BCHE: variants seen among roughly 807,000 people sequenced by gnomAD.
BCHE encodes butyrylcholinesterase.
BCHE carries 48 observed loss-of-function variants against 51.3 expected under a neutral mutation model. The observed-to-expected ratio is 0.94, with a 90% CI of 0.74 to 1.19. The LOEUF (loss-of-function observed/expected upper bound fraction) is 1.19. Among genes scored for constraint, BCHE ranks in the 50% most tolerant of loss-of-function variants. The pLI, the probability that BCHE is intolerant of heterozygous loss-of-function variation, is 0.00. For synonymous variants in BCHE, 251 were observed against 238.0 expected (o/e 1.05, Z -0.50); for missense variants, 847 against 708.2 (o/e 1.20, Z -2.23).
At chr3:165,805,583 G>A (rs1310263858) in intron 2 of BCHE, among the ~76,000 whole-genome samples, 1 of 152,152 alleles carries the variant, frequency 6.6e-6, no homozygotes, top group Non-Finnish European at 1.5e-5. Flanking sequence ...CAGATGGAAA[G>A]ACATGTCTCT....
chr3:165,831,614 T>C (rs1714991799), intron 1 of BCHE, among the ~76,000 whole-genome samples: 2 of 152,290 alleles, frequency 1.3e-5, no homozygotes, highest in South Asian at 4.1e-4. Flanking sequence ...AATCCTATTA[T>C]ACAAACTGAA....
chr3:165,789,973 G>C (rs923631747), intron 2 of BCHE, among the ~76,000 whole-genome samples: 2 of 152,156 alleles, frequency 1.3e-5, no homozygotes, highest in Non-Finnish European at 2.9e-5. Context: ...ATAAAGAAAT[G>C]ATGTAATATG....
chr3:165,802,518 C>T (rs1713694164), intron 2 of BCHE, among the ~76,000 whole-genome samples: 1 of 151,890 alleles, frequency 6.6e-6, no homozygotes, highest in Non-Finnish European at 1.5e-5. Flanking sequence ...TCAGATTAGG[C>T]TTGTAGTTCT....
chr3:165,780,875 C>T (rs574469530), intron 3 of BCHE, among the ~76,000 whole-genome samples: 1 of 152,224 alleles, frequency 6.6e-6, no homozygotes, highest in Admixed American at 6.5e-5. Context: ...GATCTGGAAC[C>T]AGAAATATCA....
chr3:165,796,583 G>A (rs1036466742), intron 2 of BCHE, among the ~76,000 whole-genome samples: 2 of 152,064 alleles, frequency 1.3e-5, no homozygotes, highest in East Asian at 1.9e-4. Context: ...AAATCTTCAC[G>A]TATTTTCACC....
intron 3 of BCHE, chr3:165,777,803 A>G (rs1348622707): frequency 1.3e-5 from 6 of 452,628 alleles, no homozygotes; most frequent in South Asian, 6.2e-5. Context: ...AGCCTACTCA[A>G]TGTGAAGATG....
intron 2 of BCHE, among the ~76,000 whole-genome samples, chr3:165,818,963 A>C (rs763221359): frequency 5.9e-5 from 9 of 152,008 alleles, no homozygotes; most frequent in Non-Finnish European, 1.3e-4. Context: ...TGCTCTTTTG[A>C]TGCATCATGC....
intron 2 of BCHE, among the ~76,000 whole-genome samples, chr3:165,798,276 T>C (rs897323191): frequency 1.3e-5 from 2 of 152,138 alleles, no homozygotes; most frequent in Admixed American, 1.3e-4. Flanking sequence ...TGTGTCTGTG[T>C]GTGTGTGTGT....
At chr3:165,822,091 A>G (rs1714548081) in intron 2 of BCHE, among the ~76,000 whole-genome samples, 1 of 151,990 alleles carries the variant, frequency 6.6e-6, no homozygotes, top group Non-Finnish European at 1.5e-5. Context: ...TTGTGATTTT[A>G]TGATATCAAA....
intron 2 of BCHE, among the ~76,000 whole-genome samples, chr3:165,813,315 A>T (rs1714178759): frequency 6.6e-6 from 1 of 151,606 alleles, no homozygotes; most frequent in Non-Finnish European, 1.5e-5. Context: ...ATTTTATAAT[A>T]ATCATATATT....
intron 2 of BCHE, among the ~76,000 whole-genome samples, chr3:165,814,108 G>A (rs966318926): frequency 3.9e-5 from 6 of 151,904 alleles, no homozygotes; most frequent in Admixed American, 1.3e-4. Flanking sequence ...TGTATACTAA[G>A]TATATAAGAT....
chr3:165,807,848 G>A (rs1388202149), intron 2 of BCHE, among the ~76,000 whole-genome samples: 1 of 152,028 alleles, frequency 6.6e-6, no homozygotes, highest in Non-Finnish European at 1.5e-5. Flanking sequence ...ACAGGCATGA[G>A]CCACTACACC....
At position 165,829,615 on chromosome 3, in the gene BCHE, G is replaced by A; in HGVS notation, c.1419C>T (p.Val473=). The A allele has an allele frequency of 6.2e-7, 1 of 1,613,758 alleles. No homozygotes were observed. The highest frequency in any genetic ancestry group is 8.5e-7 in the Non-Finnish European group (1 of 1,179,822). ...CTCTTCTTTCCAGAGGTAAACCAAA[G>A]ACAAATTCAATTTCATAGCCATGCA... ...GVMHGYEIEF[V]FGLPLERRDN... is the part of the protein sequence containing the mutation. The change falls in exon 2 of 4, where the codon GTC becomes GTT. Residue 473 remains valine (V), a synonymous_variant. Coordinates refer to ENST00000264381, the MANE Select transcript of BCHE (RefSeq NM_000055.4).
chr3:165,789,881 G>A (rs1386154733), intron 2 of BCHE, among the ~76,000 whole-genome samples: 1 of 151,974 alleles, frequency 6.6e-6, no homozygotes, highest in Non-Finnish European at 1.5e-5. Flanking sequence ...TTATTTGAGT[G>A]GTAAGAGATT....
chr3:165,822,648 T>C lies in BCHE; in HGVS notation c.1517+6869A>G, dbSNP rs180939743. Among the ~76,000 whole-genome samples, 335 of 152,104 alleles carry C rather than the reference T, an allele frequency of 2.2e-3. 3 individuals are homozygous for C. The highest frequency in any genetic ancestry group is 0.02 in the Middle Eastern group (6 of 294). The stretch of plus-strand genomic sequence containing the variant: ...GCACTGTGAATGGTTCTCTCTGAGA[T>C]TTTACACTGAAGAAGCTCTGAATGA... On this transcript the variant is annotated intron_variant, in intron 2 of 3. Transcript: ENST00000264381.
intron 2 of BCHE, among the ~76,000 whole-genome samples, chr3:165,802,626 T>C (rs1713701823): frequency 6.7e-6 from 1 of 150,078 alleles, no homozygotes; most frequent in East Asian, 1.9e-4. Flanking sequence ...ATAGGAAAAT[T>C]TGTTTTTTTT....
intron 2 of BCHE, among the ~76,000 whole-genome samples, chr3:165,818,793 A>C (rs1714402288): frequency 6.6e-6 from 1 of 152,166 alleles, no homozygotes; most frequent in Admixed American, 6.6e-5. Flanking sequence ...ATTTGCATCT[A>C]CAATAAAATA....
chr3:165,782,925 G>T (rs899576331), intron 3 of BCHE, among the ~76,000 whole-genome samples: 1 of 151,686 alleles, frequency 6.6e-6, no homozygotes, highest in Non-Finnish European at 1.5e-5. Context: ...ATCACCTCCC[G>T]CAACGATTCA....
chr3:165,791,620 T>C (rs187675258), intron 2 of BCHE, among the ~76,000 whole-genome samples: 4 of 152,212 alleles, frequency 2.6e-5, no homozygotes, highest in African/African-American at 9.6e-5. Flanking sequence ...ATTGCTGAGA[T>C]AGGAAAGACT....
Sources: gnomAD v4.1 joint callset for allele counts (sites outside exome capture counted in the v4.1 genomes callset) on GRCh38, gnomAD v4.1.1 for gene constraint, MANE v1.5 for transcripts, NCBI Gene and HGNC (gene_info 2026-07-23, HGNC 2026-07-21) for gene names.